Variants in MACF1 observed in about 807,000 individuals in gnomAD.
MACF1 encodes the protein microtubule actin crosslinking factor 1.
A neutral mutation model predicts 854.8 loss-of-function variants in MACF1; 193 were observed. The observed-to-expected ratio is 0.23, with a 90% CI of 0.20 to 0.25. The LOEUF (loss-of-function observed/expected upper bound fraction) is 0.25. MACF1 is among the 10% of genes least tolerant of loss of function. The pLI, the probability that MACF1 is intolerant of heterozygous loss-of-function variation, is 1.00. For missense variants in MACF1, 7,722 were observed against 8,929.1 expected, an observed-to-expected ratio of 0.86 and a Z score of 5.45; for synonymous variants, 3,185 against 3,226.7, an observed-to-expected ratio of 0.99 and a Z score of 0.44.
At chr1:39,443,179 G>C (rs892918073) in intron 78 of MACF1, among the ~76,000 whole-genome samples, 7 of 152,066 alleles carry the variant, frequency 4.6e-5, no homozygotes, top group South Asian at 2.1e-4. Context: ...GATCAAGTCA[G>C]GTCTCTTCCT....
At chr1:39,235,739 TTC>T (rs1371931108) in intron 2 of MACF1, among the ~76,000 whole-genome samples, 1 of 152,222 alleles carries the variant, frequency 6.6e-6, no homozygotes, top group Non-Finnish European at 1.5e-5. Flanking sequence ...ATCAGACGTA[TTC>T]TCTCTCTGTG....
At chr1:39,422,349 T>C (rs777371905) in intron 58 of MACF1, 25 bp from the exon 59 acceptor site, 1 of 1,608,656 alleles carries the variant, frequency 6.2e-7, no homozygotes, top group Non-Finnish European at 8.5e-7. Flanking sequence ...TTGTATTAAA[T>C]CTTCTTTGGC....
Position 39,331,745 on chromosome 1 carries a change from C to G in MACF1, c.5157C>G (p.Val1719=). The G allele has an allele frequency of 1.9e-6, 3 of 1,614,108 alleles. No homozygotes were observed. Among genetic ancestry groups the G allele is most frequent in the Non-Finnish European group, 2.5e-6 (3 of 1,180,024 alleles). The stretch of plus-strand genomic sequence containing the variant: ...TGGATCTGATGCAGCGATGTATTGT[C>G]CACCAGGAATCAGGATTCAAATTAC... The part of the protein sequence containing the change: ...GLLDLMQRCI[V]HQESGFKLLP... Residue 1719 remains valine (V), a synonymous_variant, in exon 37 of 101, where the codon GTC becomes GTG. Coordinates refer to ENST00000564288, the MANE Select transcript of MACF1 (RefSeq NM_001394062.1).
At chr1:39,319,311 A>T (rs1243690659) in intron 30 of MACF1, among the ~76,000 whole-genome samples, 3 of 152,166 alleles carry the variant, frequency 2.0e-5, no homozygotes, top group African/African-American at 7.2e-5. Flanking sequence ...GGGACATGTT[A>T]GGAATGCAAG....
chr1:39,203,415 G>A (rs939140202), upstream of MACF1, among the ~76,000 whole-genome samples: 1 of 152,088 alleles, frequency 6.6e-6, no homozygotes. Flanking sequence ...GTGTTACTCA[G>A]TCTGGTCCTG....
intron 96 of MACF1, 30 bp from the exon 97 acceptor site, chr1:39,469,517 T>C (rs908557045): frequency 1.3e-6 from 2 of 1,514,282 alleles, no homozygotes; most frequent in East Asian, 2.5e-5. Flanking sequence ...CCCTGTCTGT[T>C]TCTTTCTGTT....
chr1:39,272,946 C>T (rs1645353163), intron 6 of MACF1, among the ~76,000 whole-genome samples: 1 of 152,024 alleles, frequency 6.6e-6, no homozygotes. Flanking sequence ...CTTCTCTGGC[C>T]CATTTCTTCT....
chr1:39,481,139 G>A, intron 99 of MACF1, 109 bp downstream of exon 99: 3 of 652,820 alleles, frequency 4.6e-6, no homozygotes, highest in Admixed American at 5.5e-5. Flanking sequence ...TCATCTCTGT[G>A]GTGCTTGCTG....
intron 58 of MACF1, among the ~76,000 whole-genome samples, chr1:39,400,610 G>A (rs901320841): frequency 1.3e-5 from 2 of 151,822 alleles, no homozygotes; most frequent in African/African-American, 2.4e-5. Context: ...AGGCTCAAGC[G>A]ATCCTCCTGC....
At chr1:39,097,147 G>C (rs1641958507) in intron 2 of MACF1, among the ~76,000 whole-genome samples, 1 of 151,896 alleles carries the variant, frequency 6.6e-6, no homozygotes, top group Non-Finnish European at 1.5e-5. Context: ...AAAGTGCTGG[G>C]ATTACAGGTG....
chr1:39,220,175 G>GA (rs539064543), intron 1 of MACF1, among the ~76,000 whole-genome samples: 1 of 151,288 alleles, frequency 6.6e-6, no homozygotes, highest in African/African-American at 2.4e-5. Context: ...GATATTTAAT[G>GA]AAAAAAAAAT....
At chr1:39,349,380 T>G in intron 41 of MACF1, 98 bp from the exon 42 acceptor site, 1 of 1,303,206 alleles carries the variant, frequency 7.7e-7, no homozygotes, top group Non-Finnish European at 1.1e-6. Flanking sequence ...TTTTCCATCC[T>G]TGAGATATAA....
rs1285108639 is a variant in MACF1 at position 39,283,539 on chromosome 1, G to A, written c.915+24G>A. The A allele has an allele frequency of 2.0e-6, 3 of 1,520,922 alleles. No homozygotes were observed. The highest frequency in any genetic ancestry group is 2.7e-6 in the Non-Finnish European group (3 of 1,095,844). 94.2% of individuals were successfully genotyped at this position (1,520,922 alleles called of 1,614,324 possible). On this transcript the variant is annotated intron_variant, in intron 9 of 100. Transcript: ENST00000564288. This position sits in a 1 kb window ranked among gnomAD's most constrained non-coding sequence, Gnocchi z 4.5. ...CGGTAAAAGAACATTTTCCTAGAAGGCCTTCTGACTTTGATTCATTTGGGT... is the reference window on the plus strand; with the variant it reads ...CGGTAAAAGAACATTTTCCTAGAAGACCTTCTGACTTTGATTCATTTGGGT...
intron 2 of MACF1, among the ~76,000 whole-genome samples, chr1:39,241,546 A>G (rs1344145517): frequency 1.3e-5 from 2 of 151,288 alleles, no homozygotes; most frequent in Non-Finnish European, 2.9e-5. Flanking sequence ...TGTAATACCA[A>G]CTACTTGGGA....
In MACF1 at chr1:39,250,274, A is replaced by C. The variant is rs1161864113; in HGVS notation, c.261+171A>C. The C allele has an allele frequency of 1.2e-5, 5 of 425,544 alleles. No homozygotes were observed. In the Admixed American group the frequency reaches 1.7e-4, roughly 14 times the overall value. The allele number at this position is 425,544 out of a possible 1,614,324, so 26.4% of individuals were successfully genotyped here. A position where few individuals can be genotyped will look rare whatever the true frequency, so the allele number is the denominator to read the frequency against. ...TTTCTAACTCAGACTTAGAATTTAC[A>C]AATTATATAATTTAAATTGATGTAT... is the stretch of plus-strand genomic sequence containing the variant. On this transcript the variant is annotated intron_variant, in intron 3 of 100. Coordinates refer to ENST00000564288, the MANE Select transcript of MACF1 (RefSeq NM_001394062.1).
At chr1:39,246,398 C>G (rs914354971) in intron 2 of MACF1, among the ~76,000 whole-genome samples, 5 of 152,200 alleles carry the variant, frequency 3.3e-5, no homozygotes, top group Admixed American at 6.5e-5. Context: ...TTGAATTTAT[C>G]AAATCCACTG....
Position 39,379,262 on chromosome 1 carries a change from G to C in MACF1, c.13336G>C (p.Gly4446Arg), listed in dbSNP as rs777911763. The change falls in exon 54 of 101, where the codon GGA (glycine) becomes CGA (arginine). Residue 4446 changes from glycine (G) to arginine (R), a missense_variant. This residue lies in a region of MACF1 where 2,807 missense variants were observed against 3,235.8 expected (regional missense o/e 0.87). Transcript: ENST00000564288. Reference protein sequence around the residue: ...DVNLKYEKLGGVLHERQESLQ... With the variant: ...DVNLKYEKLGRVLHERQESLQ... ...AAACTTGAAGTATGAGAAACTAGGG[G>C]GAGTACTTCATGAACGCCAGGAAAG... 1.2e-6 allele frequency: 2 copies of C among 1,613,002 alleles called. No homozygotes were observed. The highest frequency in any genetic ancestry group is 4.5e-5 in the East Asian group (2 of 44,830).
At chr1:39,156,963 T>G (rs1643701866) in intron 2 of MACF1, among the ~76,000 whole-genome samples, 1 of 104,326 alleles carries the variant, frequency 9.6e-6, no homozygotes, top group African/African-American at 3.4e-5. Context: ...CCCTTTCCAT[T>G]ATCTTTTTTT....
intron 58 of MACF1, among the ~76,000 whole-genome samples, chr1:39,392,088 GC>G (rs888390301): frequency 1.3e-5 from 2 of 152,330 alleles, no homozygotes; most frequent in African/African-American, 4.8e-5. Flanking sequence ...CAAATCAAAA[GC>G]CCTGTTCCAC....
Sources: allele counts gnomAD v4.1 joint callset (sites outside exome capture counted in the v4.1 genomes callset), GRCh38; gene constraint gnomAD v4.1.1; regional missense constraint gnomAD v4.1.1; non-coding constraint Gnocchi (gnomAD v3.1); transcripts MANE v1.5; gene names NCBI Gene and HGNC (gene_info 2026-07-23, HGNC 2026-07-21).